WDR41: variants seen among roughly 807,000 people sequenced by gnomAD.
WDR41 encodes the protein WD repeat domain 41, also known as WD repeat-containing protein 41.
WDR41 carries 63 observed loss-of-function variants against 69.3 expected under a neutral mutation model. The observed-to-expected ratio is 0.91, with a 90% CI of 0.74 to 1.12. The LOEUF is 1.12. Ranked by LOEUF, WDR41 falls within the 50% of genes most tolerant of loss-of-function variation. WDR41 has a pLI of 0.00. For synonymous variants in WDR41, 185 were observed against 192.1 expected, an observed-to-expected ratio of 0.96 and a Z score of 0.31; for missense variants, 543 against 534.5, an observed-to-expected ratio of 1.02 and a Z score of -0.16.
chr5:77,589,835 A>C (rs1267673760), intron 1 of WDR41, among the ~76,000 whole-genome samples: 1 of 152,162 alleles, frequency 6.6e-6, no homozygotes, highest in East Asian at 1.9e-4. Context: ...GCCATATAGC[A>C]CTAGCTAAGA....
At chr5:77,433,538 T>C (rs899238506) in intron 12 of WDR41, among the ~76,000 whole-genome samples, 1 of 152,242 alleles carries the variant, frequency 6.6e-6, no homozygotes, top group Non-Finnish European at 1.5e-5. Context: ...TCATAGTTCT[T>C]CCAGATTTTT....
At chr5:77,489,370 G>A in intron 2 of WDR41, 87 bp downstream of exon 2, 1 of 701,854 alleles carries the variant, frequency 1.4e-6, no homozygotes. Context: ...TTTTAGAAAA[G>A]ATGTATTAAT....
chr5:77,521,131 G>T (rs1025199898), intron 1 of WDR41, among the ~76,000 whole-genome samples: 1 of 152,184 alleles, frequency 6.6e-6, no homozygotes, highest in Non-Finnish European at 1.5e-5. Context: ...TTGGCACCAG[G>T]GATTGGTTTC....
intron 2 of WDR41, among the ~76,000 whole-genome samples, chr5:77,470,480 T>A (rs1800535401): frequency 6.6e-6 from 1 of 152,114 alleles, no homozygotes; most frequent in Admixed American, 6.6e-5. Flanking sequence ...AGACACAGAC[T>A]GGCAAATTGG....
At position 77,539,384 on chromosome 5, in the gene WDR41, T is replaced by C. The variant is rs114376155; in HGVS notation, c.43-49812A>G. On this transcript the variant is annotated intron_variant, in intron 1 of 5. Transcript: ENST00000509971. ...GTTTTGGATCATGCTTCTTAGACTT[T>C]AATGTGCGTAAGAGTCACCTGGCAG... is the stretch of plus-strand genomic sequence containing the variant. Among the ~76,000 whole-genome samples the C allele has an allele frequency of 1.4e-3, 214 of 152,324 alleles. 1 individual carries two copies. Among genetic ancestry groups the C allele is most frequent in the Admixed American group, 4.7e-3 (72 of 15,298 alleles).
At chr5:77,560,588 G>T (rs1368517623) in intron 1 of WDR41, among the ~76,000 whole-genome samples, 1 of 151,972 alleles carries the variant, frequency 6.6e-6, no homozygotes, top group African/African-American at 2.4e-5. Flanking sequence ...GACTACTGAT[G>T]AATGATGAAT....
At chr5:77,441,244 A>G (rs1205588052) in intron 8 of WDR41, among the ~76,000 whole-genome samples, 1 of 152,220 alleles carries the variant, frequency 6.6e-6, no homozygotes, top group Non-Finnish European at 1.5e-5. Context: ...TCATGCTGGA[A>G]TATCTGGTTA....
chr5:77,468,326 A>G (rs1220006327), intron 2 of WDR41, among the ~76,000 whole-genome samples: 2 of 152,130 alleles, frequency 1.3e-5, no homozygotes, highest in Non-Finnish European at 2.9e-5. Flanking sequence ...ACAGTCCAAC[A>G]TTACCATGTG....
intron 1 of WDR41, among the ~76,000 whole-genome samples, chr5:77,502,363 G>A (rs1043264157): frequency 4.0e-5 from 6 of 151,782 alleles, no homozygotes; most frequent in African/African-American, 1.2e-4. Context: ...GAGAAATATG[G>A]GACTATGTGA....
At chr5:77,582,248 A>C in intron 1 of WDR41, 1 of 849,312 alleles carries the variant, frequency 1.2e-6, no homozygotes, top group Non-Finnish European at 1.9e-6. Flanking sequence ...TGAAATGGAC[A>C]AAATTCCTAA....
intron 1 of WDR41, among the ~76,000 whole-genome samples, chr5:77,615,389 A>G (rs1330101749): frequency 6.6e-6 from 1 of 152,164 alleles, no homozygotes; most frequent in African/African-American, 2.4e-5. Flanking sequence ...ATATGCTTTA[A>G]TATACTACAA....
intron 2 of WDR41, among the ~76,000 whole-genome samples, chr5:77,488,473 G>A (rs1801620000): frequency 2.0e-5 from 3 of 149,352 alleles, no homozygotes; most frequent in South Asian, 2.1e-4. Flanking sequence ...AAAAAAAGCA[G>A]AGAAAAGACA....
intron 1 of WDR41, among the ~76,000 whole-genome samples, chr5:77,577,552 T>C (rs541498970): frequency 6.6e-6 from 1 of 152,264 alleles, no homozygotes; most frequent in South Asian, 2.1e-4. Flanking sequence ...ATCTAAATAC[T>C]TCAAAGATTA....
chr5:77,541,469 G>A (rs1467535643), intron 1 of WDR41, among the ~76,000 whole-genome samples: 1 of 148,988 alleles, frequency 6.7e-6, no homozygotes, highest in African/African-American at 2.5e-5. Flanking sequence ...CTGCCAAGGA[G>A]ATGGAGTAAA....
intron 1 of WDR41, among the ~76,000 whole-genome samples, chr5:77,523,890 T>G (rs1802409375): frequency 6.6e-6 from 1 of 152,182 alleles, no homozygotes; most frequent in Non-Finnish European, 1.5e-5. Flanking sequence ...TTGAATGAAC[T>G]AAGAGGATTT....
chr5:77,510,533 G>A (rs11741097), intron 1 of WDR41, among the ~76,000 whole-genome samples: 1 of 151,926 alleles, frequency 6.6e-6, no homozygotes, highest in East Asian at 1.9e-4. Context: ...TGGCTATTGG[G>A]TGGGTCAGCA....
At chr5:77,591,654 C>T (rs1744140072) in intron 1 of WDR41, among the ~76,000 whole-genome samples, 1 of 152,044 alleles carries the variant, frequency 6.6e-6, no homozygotes, top group Non-Finnish European at 1.5e-5. Flanking sequence ...TTCTTTTACC[C>T]TTAAGTTATA....
At chr5:77,555,112 T>C (rs995253046) in intron 1 of WDR41, among the ~76,000 whole-genome samples, 1 of 151,490 alleles carries the variant, frequency 6.6e-6, no homozygotes, top group African/African-American at 2.4e-5. Flanking sequence ...TACAAGTATA[T>C]AGAACTTAAC....
chr5:77,570,438 T>C (rs1400903500), intron 1 of WDR41, among the ~76,000 whole-genome samples: 1 of 150,146 alleles, frequency 6.7e-6, no homozygotes, highest in East Asian at 1.9e-4. Context: ...GGTACATTAT[T>C]TGGAAAATGC....
Sources: allele counts gnomAD v4.1 joint callset (sites outside exome capture counted in the v4.1 genomes callset), GRCh38; gene constraint gnomAD v4.1.1; transcripts MANE v1.5; gene names NCBI Gene and HGNC (gene_info 2026-07-23, HGNC 2026-07-21).